The following RACGAP1 variants were observed in gnomAD, a reference collection of about 807,000 sequenced individuals.
RACGAP1 encodes Rac GTPase activating protein 1.
A neutral mutation model predicts 78.1 loss-of-function variants in RACGAP1; 30 were observed. The observed-to-expected ratio is 0.38, with a 90% CI of 0.29 to 0.52. The LOEUF is 0.52. Ranked by LOEUF, RACGAP1 falls within the 20% of genes least tolerant of loss-of-function variation. RACGAP1 has a pLI of 0.82. For synonymous variants in RACGAP1, 231 were observed against 264.8 expected (o/e 0.87, Z 1.24); for missense variants, 587 against 777.1 (o/e 0.76, Z 2.91).
intron 10 of RACGAP1, among the ~76,000 whole-genome samples, chr12:49,996,835 G>A (rs890437340): frequency 1.3e-5 from 2 of 151,602 alleles, no homozygotes; most frequent in African/African-American, 4.8e-5. Context: ...GGAAAAAGGG[G>A]CGGGGAAAGA....
upstream of RACGAP1, among the ~76,000 whole-genome samples, chr12:50,026,871 G>A (rs538317738): frequency 3.5e-4 from 53 of 152,156 alleles, no homozygotes; most frequent in African/African-American, 1.3e-3. Context: ...GTAGAGAAGG[G>A]TCTCACTATG....
intron 1 of RACGAP1, chr12:50,016,948 A>T (rs754141182): frequency 1.6e-6 from 2 of 1,288,924 alleles, no homozygotes; most frequent in Non-Finnish European, 2.0e-6. Flanking sequence ...ACCTTTGAAT[A>T]TAACAGCCCC....
At chr12:50,001,372 C>T in intron 6 of RACGAP1, 120 bp from the exon 7 acceptor site, 2 of 640,698 alleles carry the variant, frequency 3.1e-6, no homozygotes, top group South Asian at 4.4e-5. Context: ...CAGTAAATAA[C>T]AAACAATGTG....
intron 7 of RACGAP1, among the ~76,000 whole-genome samples, chr12:50,000,777 C>T (rs1484456530): frequency 1.3e-5 from 2 of 152,124 alleles, no homozygotes; most frequent in Admixed American, 6.5e-5. Flanking sequence ...AGGCCAGGCA[C>T]GGAGGCTCAC....
chr12:50,006,342 A>C, intron 3 of RACGAP1, 92 bp downstream of exon 3: 1 of 1,387,796 alleles, frequency 7.2e-7, no homozygotes, highest in Non-Finnish European at 1.0e-6. Context: ...ATGTGGAAGA[A>C]GAAACTAGGT....
chr12:50,017,634 G>T lies in RACGAP1; in HGVS notation c.-4-915C>A, dbSNP rs114722363. ...ATGTTATGAAAACTATCAAGGAAATGAAATAAAAAGTCAAATTTTATTAGA... is the reference window on the plus strand; with the variant it reads ...ATGTTATGAAAACTATCAAGGAAATTAAATAAAAAGTCAAATTTTATTAGA... On this transcript the variant is annotated intron_variant, in intron 1 of 16. Transcript: ENST00000312377. Among the ~76,000 whole-genome samples the T allele has an allele frequency of 2.6e-3, 399 of 152,268 alleles. 4 individuals are homozygous for T. The highest frequency in any genetic ancestry group is 9.0e-3 in the African/African-American group (372 of 41,554).
intron 15 of RACGAP1, 51 bp downstream of exon 15, chr12:49,991,947 T>C (rs1379254171): frequency 6.2e-7 from 1 of 1,600,414 alleles, no homozygotes; most frequent in Admixed American, 1.8e-5. Context: ...GTCATATGAC[T>C]AAAACTAAAG....
chr12:49,990,233 C>CAG lies in RACGAP1; in HGVS notation c.*33_*34dup. 6.4e-7 allele frequency: 1 copy of CAG among 1,557,486 alleles called. No individual in the cohort carries two copies. The highest frequency in any genetic ancestry group is 8.9e-7 in the Non-Finnish European group (1 of 1,129,522). ...GTACAGATGTGTCCTTTCTTATAGT[C>CAG]AGTCAATGCTGGGAAGTAACAGGCA... On this transcript the variant is annotated 3_prime_UTR_variant, in exon 17 of 17. Coordinates refer to ENST00000312377, the MANE Select transcript of RACGAP1 (RefSeq NM_001319999.2).
chr12:50,024,748 G>A (rs1015592891), intron 1 of RACGAP1, among the ~76,000 whole-genome samples: 1 of 151,368 alleles, frequency 6.6e-6, no homozygotes, highest in African/African-American at 2.4e-5. Flanking sequence ...CAATAACTCG[G>A]AAAGCTTATT....
chr12:49,994,706 T>A (rs1474624116), intron 10 of RACGAP1, among the ~76,000 whole-genome samples, 197 bp from the exon 11 acceptor site: 1 of 152,176 alleles, frequency 6.6e-6, no homozygotes, highest in Non-Finnish European at 1.5e-5. Context: ...ACTGATTTAT[T>A]ATCATATATA....
chr12:50,001,144 T>C, intron 7 of RACGAP1, 28 bp downstream of exon 7: 2 of 1,514,462 alleles, frequency 1.3e-6, no homozygotes, highest in Non-Finnish European at 1.8e-6. Flanking sequence ...GCCAGTAATC[T>C]CTGTTACCTT....
Position 50,031,616 on chromosome 12 carries a change from C to T in RACGAP1, c.-24+81G>A, listed in dbSNP as rs188487066. On this transcript the variant is annotated intron_variant, in intron 2 of 3. Transcript: ENST00000548247. ...CCTGGCTACCATTTCCACCTGGGGC[C>T]TTCAACCTTCCCTGTGCGCCAGCAC... is the stretch of plus-strand genomic sequence containing the variant. The T allele has an allele frequency of 7.6e-5, 70 of 921,272 alleles. No individual in the cohort carries two copies. The African/African-American group carries it at 1.1e-3, about 15-fold the overall frequency. The allele number at this position is 921,272 out of a possible 1,614,324, so 57.1% of individuals were successfully genotyped here.
intron 6 of RACGAP1, 88 bp downstream of exon 6, chr12:50,002,159 T>A (rs1948722154): frequency 1.0e-6 from 1 of 968,240 alleles, no homozygotes; most frequent in Non-Finnish European, 1.6e-6. Context: ...TAGAGCAACA[T>A]GACAGGAATG....
At chr12:50,009,846 A>G (rs1949204826) in intron 2 of RACGAP1, among the ~76,000 whole-genome samples, 2 of 152,166 alleles carry the variant, frequency 1.3e-5, no homozygotes, top group Non-Finnish European at 2.9e-5. Context: ...TACCTATTAC[A>G]TACCCATTTA....
chr12:50,026,634 T>C (rs1950272320), upstream of RACGAP1, among the ~76,000 whole-genome samples: 1 of 152,124 alleles, frequency 6.6e-6, no homozygotes. Context: ...CATAAATATA[T>C]AAAATTGTAT....
At chr12:50,025,611 C>G (rs930408859), upstream of RACGAP1, 1 of 934,568 alleles carries the variant, frequency 1.1e-6, no homozygotes, top group Admixed American at 6.2e-5. Flanking sequence ...CGCATTCTGA[C>G]AAAGCGAAGC....
At chr12:50,000,939 G>A (rs571962329) in intron 7 of RACGAP1, among the ~76,000 whole-genome samples, 9 of 152,228 alleles carry the variant, frequency 5.9e-5, no homozygotes, top group South Asian at 2.1e-4. Flanking sequence ...TCCCAGCTAC[G>A]TGGGAGGCTG....
chr12:50,005,796 G>C (rs1411042445), intron 3 of RACGAP1, among the ~76,000 whole-genome samples: 2 of 152,182 alleles, frequency 1.3e-5, no homozygotes, highest in African/African-American at 2.4e-5. Flanking sequence ...CATTAAAATG[G>C]ATACAAAGCT....
At chr12:50,013,962 CTAATTAGTA>C (rs2137566748) in intron 2 of RACGAP1, among the ~76,000 whole-genome samples, 1 of 152,258 alleles carries the variant, frequency 6.6e-6, no homozygotes, top group East Asian at 1.9e-4. Context: ...AAAGAGAAAC[CTAATTAGTA>C]TGCCATTGTG....
Sources: gnomAD v4.1 joint callset for allele counts (sites outside exome capture counted in the v4.1 genomes callset) on GRCh38, gnomAD v4.1.1 for gene constraint, MANE v1.5 for transcripts, NCBI Gene and HGNC (gene_info 2026-07-23, HGNC 2026-07-21) for gene names.